PDIA4: variants seen among roughly 807,000 people sequenced by gnomAD.
The protein encoded by PDIA4 is protein disulfide-isomerase A4.
In PDIA4, 33 loss-of-function variants were observed where a neutral mutation model predicts 62.1. The ratio of observed to expected loss-of-function variants is 0.53; its 90% CI spans 0.40 to 0.71. PDIA4 has a LOEUF of 0.71. PDIA4 is among the 30% of genes least tolerant of loss of function. The pLI is 0.00. For synonymous variants in PDIA4, 341 were observed against 324.1 expected, an observed-to-expected ratio of 1.05 and a Z score of -0.56; for missense variants, 804 against 813.6, an observed-to-expected ratio of 0.99 and a Z score of 0.14.
chr7:149,019,151 T>C lies in PDIA4; in HGVS notation c.316A>G (p.Asn106Asp). The C allele has an allele frequency of 6.2e-7, 1 of 1,614,008 alleles. No individual in the cohort carries two copies. The highest frequency in any genetic ancestry group is 8.5e-7 in the Non-Finnish European group (1 of 1,179,962). Residue 106 changes from asparagine (N) to aspartate (D), a missense_variant, in exon 3 of 10, where the codon AAC becomes GAC. Transcript: ENST00000652332. ...QFAPEYEKIANILKDKDPPIP... is the reference protein window; with the variant it reads ...QFAPEYEKIADILKDKDPPIP... ...GGAGGATCTTTATCCTTTAATATGT[T>C]GGCAATTTTTTCATATTCCGGAGCA...
chr7:149,015,256 C>T (rs1189680053), intron 3 of PDIA4, among the ~76,000 whole-genome samples: 1 of 152,074 alleles, frequency 6.6e-6, no homozygotes, highest in Non-Finnish European at 1.5e-5. Context: ...TTGTCCATCG[C>T]ATTTCCACAG....
chr7:149,009,474 C>T (rs987616624), intron 6 of PDIA4, among the ~76,000 whole-genome samples: 3 of 152,190 alleles, frequency 2.0e-5, no homozygotes, highest in Non-Finnish European at 4.4e-5. Flanking sequence ...ACACCCAGCA[C>T]CCTTCGTGGA....
chr7:149,014,064 C>T lies in PDIA4; in HGVS notation c.614+840G>A, dbSNP rs544247785. ...CTCCCAGATCATTTCCTTCTCTAAC[C>T]ACCCACCTGACTTCACTTTTCATCT... On this transcript the variant is annotated intron_variant, in intron 4 of 9. Coordinates refer to ENST00000652332, the MANE Select transcript of PDIA4 (RefSeq NM_004911.5). Among the ~76,000 whole-genome samples, 411 of 152,324 alleles carry T rather than the reference C, an allele frequency of 2.7e-3. 6 individuals are homozygous for T. Among genetic ancestry groups the T allele is most frequent in the Non-Finnish European group, 1.5e-3 (99 of 68,028 alleles).
rs1261610033 is a variant in PDIA4, at chr7:149,023,148, G to A, written c.89-2001C>T. Among the ~76,000 whole-genome samples the A allele has an allele frequency of 5.9e-5, 9 of 152,260 alleles. No individual in the cohort carries two copies. The South Asian group carries it at 1.2e-3, about 21-fold the overall frequency. On this transcript the variant is annotated intron_variant, in intron 1 of 9. Transcript: ENST00000652332. ...GAACACAGAGAAAGACAGCCTGGGC[G>A]CAGGCCCACCTCCCCTGGGGTCTCG...
At chr7:149,027,343 CAA>C (rs1824592941) in intron 1 of PDIA4, among the ~76,000 whole-genome samples, 1 of 152,118 alleles carries the variant, frequency 6.6e-6, no homozygotes, top group Admixed American at 6.5e-5. Context: ...TCTATTTGGG[CAA>C]AGACTCTTTT....
At chr7:149,022,491 T>C (rs1551926) in intron 1 of PDIA4, among the ~76,000 whole-genome samples, 115,743 of 152,160 alleles carry the variant, frequency 0.76, 44,998 homozygotes, top group East Asian at 0.99. Context: ...ACCAGTAAAC[T>C]GAACTGGGCA....
intron 1 of PDIA4, chr7:149,027,762 G>A (rs953998660): frequency 1.8e-5 from 8 of 435,328 alleles, no homozygotes; most frequent in African/African-American, 4.0e-5. Flanking sequence ...AATGCAGAAG[G>A]AATGGTATCT....
rs372962795 is a variant in PDIA4 at position 149,012,010 on chromosome 7, A to G, written c.821-6T>C. ...GATCATGTAATCAACGATTCCTGGG[A>G]GCAGGGCACACGCCTGAGCAGGGGC... On this transcript the variant is annotated splice_region_variant and splice_polypyrimidine_tract_variant and intron_variant, in intron 5 of 9. Transcript: ENST00000652332. 71 of 1,592,074 alleles carry G rather than the reference A, an allele frequency of 4.5e-5. No homozygotes were observed. The highest frequency in any genetic ancestry group is 1.3e-5 in the African/African-American group (1 of 74,402).
At position 149,003,449 on chromosome 7, in the gene PDIA4, G is replaced by A. The variant is rs944032798; in HGVS notation, c.*345C>T. On this transcript the variant is annotated 3_prime_UTR_variant, in exon 10 of 10. Coordinates refer to ENST00000652332, the MANE Select transcript of PDIA4 (RefSeq NM_004911.5). The stretch of plus-strand genomic sequence containing the variant: ...CAAAGAGCAAAATCAACATGATTTG[G>A]AAAAGGAATTTTAAACCTTAAATTA... 1.6e-5 allele frequency: 3 copies of A among 185,934 alleles called. No homozygotes were observed. The highest frequency in any genetic ancestry group is 1.9e-3 in the Middle Eastern group (1 of 516). 11.5% of individuals were successfully genotyped at this position (185,934 alleles called of 1,614,324 possible). A position where few individuals can be genotyped will look rare whatever the true frequency, so the allele number is the denominator to read the frequency against.
intron 7 of PDIA4, among the ~76,000 whole-genome samples, chr7:149,006,963 G>A (rs918550726): frequency 2.0e-5 from 3 of 152,292 alleles, no homozygotes; most frequent in African/African-American, 7.2e-5. Context: ...CCCCTTTCCT[G>A]GAATATGCAC....
At chr7:149,015,230 C>T (rs1034030815) in intron 3 of PDIA4, among the ~76,000 whole-genome samples, 188 bp from the exon 4 acceptor site, 1 of 152,086 alleles carries the variant, frequency 6.6e-6, no homozygotes, top group Admixed American at 6.5e-5. Context: ...TCAGAAGGTT[C>T]GCTATTTCCC....
chr7:149,003,060 T>C (rs1823597411), downstream of PDIA4: 1 of 169,232 alleles, frequency 5.9e-6, no homozygotes, highest in Non-Finnish European at 1.5e-5. Context: ...CTAACGCAGT[T>C]CTTAACGTTT....
At position 149,003,865 on chromosome 7, in the gene PDIA4, C is replaced by G. The variant is rs746179271; in HGVS notation, c.1867G>C (p.Asp623His). The G allele has an allele frequency of 1.2e-6, 2 of 1,610,738 alleles. No homozygotes were observed. The highest frequency in any genetic ancestry group is 1.7e-6 in the Non-Finnish European group (2 of 1,178,866). ...NPVKFEGGDR[D>H]LEHLSKFIEE... ...ATAAACTTGCTCAAATGCTCCAGAT[C>G]TCTGTCTCCACCCTCAAATTTAACT... Residue 623 changes from aspartate to histidine, a missense_variant, in exon 10 of 10, where the codon GAT becomes CAT. Transcript: ENST00000652332.
rs1823658383 is a variant in PDIA4, at chr7:149,004,158, C to G, written c.1574G>C (p.Gly525Ala). Reference protein sequence around the residue: ...KSQPVPKNNKGPVKVVVGKTF... With the variant: ...KSQPVPKNNKAPVKVVVGKTF... Reference sequence around the variant, plus strand: ...CTTTCCCACCACGACCTTGACGGGTCCCTTGTTGTTCTTGGGCACTGGCTG... The same window carrying G: ...CTTTCCCACCACGACCTTGACGGGTGCCTTGTTGTTCTTGGGCACTGGCTG... Residue 525 changes from glycine (G) to alanine (A), a missense_variant, in exon 10 of 10, where the codon GGA (glycine) becomes GCA (alanine). Coordinates refer to ENST00000652332, the MANE Select transcript of PDIA4 (RefSeq NM_004911.5). 2.5e-6 allele frequency: 4 copies of G among 1,613,838 alleles called. No homozygotes were observed. In the South Asian group the frequency reaches 4.4e-5, roughly 18 times the overall value.
chr7:149,007,451 G>C (rs1464243475), intron 7 of PDIA4, among the ~76,000 whole-genome samples: 3 of 152,144 alleles, frequency 2.0e-5, no homozygotes, highest in Non-Finnish European at 4.4e-5. Context: ...TGGGGTGGGG[G>C]GTAGAGCTCA....
At chr7:149,023,603 T>C (rs1824430968) in intron 1 of PDIA4, among the ~76,000 whole-genome samples, 1 of 151,978 alleles carries the variant, frequency 6.6e-6, no homozygotes, top group Non-Finnish European at 1.5e-5. Context: ...CAAAGTTACT[T>C]GCAAGCAGAT....
intron 9 of PDIA4, 39 bp from the exon 10 acceptor site, chr7:149,004,248 G>A (rs752084332): frequency 2.5e-6 from 4 of 1,574,680 alleles, no homozygotes; most frequent in Non-Finnish European, 3.5e-6. Flanking sequence ...CGTCAGTGCT[G>A]CAAAGGCCAA....
Position 149,015,049 on chromosome 7 carries a change from G to C in PDIA4, c.476-7C>G, listed in dbSNP as rs781095710. The C allele has an allele frequency of 6.2e-7, 1 of 1,614,118 alleles. No individual in the cohort carries two copies. Among genetic ancestry groups the C allele is most frequent in the Admixed American group, 1.7e-5 (1 of 60,004 alleles). On this transcript the variant is annotated splice_polypyrimidine_tract_variant and splice_region_variant and intron_variant, in intron 3 of 9. Coordinates refer to ENST00000652332, the MANE Select transcript of PDIA4 (RefSeq NM_004911.5). The stretch of plus-strand genomic sequence containing the variant: ...CTGACCTTGGCAACAATTTCTGAAA[G>C]AAACCAAGCAAGACTGAGCACACAA...
rs758471496 is a variant in PDIA4 at position 149,018,997 on chromosome 7, T to C, written c.470A>G (p.Gln157Arg). 1.2e-6 allele frequency: 2 copies of C among 1,610,880 alleles called. No individual in the cohort carries two copies. The highest frequency in any genetic ancestry group is 2.7e-5 in the African/African-American group (2 of 74,746). The stretch of plus-strand genomic sequence containing the variant: ...GAGCTCAGGTACCAGCTCACCTTCC[T>C]GGGTTCTGGAGCCCTCGTAGTCTAC... Reference protein sequence around the residue: ...QAVDYEGSRTQEEIVAKVREV... With the variant: ...QAVDYEGSRTREEIVAKVREV... The change falls in exon 3 of 10, where the codon CAG (glutamine) becomes CGG (arginine). Residue 157 changes from glutamine (Q) to arginine (R), a missense_variant. Gln to Arg is a conservative substitution (Grantham distance 43). Transcript: ENST00000652332.
Sources: allele counts gnomAD v4.1 joint callset (sites outside exome capture counted in the v4.1 genomes callset), GRCh38; gene constraint gnomAD v4.1.1; transcripts MANE v1.5; gene names NCBI Gene and HGNC (gene_info 2026-07-23, HGNC 2026-07-21).